SYK: variants seen among roughly 807,000 people sequenced by gnomAD.
SYK encodes the protein tyrosine-protein kinase SYK.
Under a neutral mutation model 77.8 loss-of-function variants are expected in SYK, and 16 were observed. The ratio of observed to expected loss-of-function variants is 0.21; its 90% CI spans 0.14 to 0.31. The LOEUF (loss-of-function observed/expected upper bound fraction) is 0.31, where lower values mean the gene tolerates loss of function less well. Ranked by LOEUF, SYK falls within the 10% of genes least tolerant of loss-of-function variation. SYK has a pLI of 1.00. For missense variants in SYK, 529 were observed against 814.4 expected (o/e 0.65, Z 4.26); for synonymous variants, 312 against 308.7 (o/e 1.01, Z -0.11).
At chr9:90,836,081 G>A (rs1326894562) in intron 1 of SYK, among the ~76,000 whole-genome samples, 2 of 152,142 alleles carry the variant, frequency 1.3e-5, no homozygotes, top group Non-Finnish European at 2.9e-5. Context: ...GAGGTCAGGA[G>A]ATCGAGATCA....
At chr9:90,890,247 C>T (rs943779259) in intron 13 of SYK, among the ~76,000 whole-genome samples, 2 of 152,194 alleles carry the variant, frequency 1.3e-5, no homozygotes, top group African/African-American at 4.8e-5. Context: ...GCTGAATACC[C>T]TTTGGGCTCG....
At chr9:90,890,331 A>C (rs1828740844) in intron 13 of SYK, among the ~76,000 whole-genome samples, 1 of 152,222 alleles carries the variant, frequency 6.6e-6, no homozygotes, top group Non-Finnish European at 1.5e-5. Flanking sequence ...GGACGCACGT[A>C]ACAGTGGGCA....
chr9:90,880,452 GC>G lies in SYK; in HGVS notation c.1581+1501del, dbSNP rs556946590. On this transcript the variant is annotated intron_variant, in intron 11 of 13. Transcript: ENST00000375754. The stretch of plus-strand genomic sequence containing the variant: ...CACTGTGAGAAAGGCATCAGCATGG[GC>G]CTGGATAGAAATAGCAGGGAAACAG... Among the ~76,000 whole-genome samples the G allele has an allele frequency of 9.8e-5, 15 of 152,304 alleles. No individual in the cohort carries two copies. The South Asian group carries it at 3.1e-3, about 32-fold the overall frequency.
chr9:90,803,027 C>T (rs1319698266), intron 1 of SYK, among the ~76,000 whole-genome samples: 1 of 152,020 alleles, frequency 6.6e-6, no homozygotes, highest in Admixed American at 6.6e-5. Context: ...CTCCTTCTCC[C>T]CAGTGAAAGT....
rs754121082 is a variant in SYK at position 90,894,743 on chromosome 9, G to A, written c.1836-785G>A. Among the ~76,000 whole-genome samples the A allele has an allele frequency of 5.9e-5, 9 of 152,328 alleles. No homozygotes were observed. In the South Asian group the frequency reaches 1.0e-3, roughly 18 times the overall value. ...GAAAAATAACTTCTAAGTGAGGATC[G>A]ATTATCAGGGTTTTAGTACTTACTT... is the stretch of plus-strand genomic sequence containing the variant. On this transcript the variant is annotated intron_variant, in intron 13 of 13. Transcript: ENST00000375754.
intron 7 of SYK, among the ~76,000 whole-genome samples, chr9:90,867,420 C>G (rs1294088992): frequency 6.6e-6 from 1 of 152,186 alleles, no homozygotes; most frequent in Non-Finnish European, 1.5e-5. Flanking sequence ...AGCTGGAAGT[C>G]CAACAGTGTG....
At chr9:90,874,178 A>C in intron 7 of SYK, 26 bp from the exon 8 acceptor site, 1 of 1,589,878 alleles carries the variant, frequency 6.3e-7, no homozygotes, top group Non-Finnish European at 8.6e-7. Flanking sequence ...GAAGAAAAAC[A>C]ACCTGTTGTC....
chr9:90,812,785 G>C (rs1587807329), intron 1 of SYK, among the ~76,000 whole-genome samples: 1 of 28,378 alleles, frequency 3.5e-5, no homozygotes, highest in African/African-American at 9.6e-5. Context: ...GTGTGAGAGA[G>C]AGAGATTGAG....
intron 1 of SYK, among the ~76,000 whole-genome samples, chr9:90,834,462 G>C (rs1252942858): frequency 6.6e-6 from 1 of 152,198 alleles, no homozygotes; most frequent in African/African-American, 2.4e-5. Context: ...AGCTGGGCCG[G>C]GTCGCCAGCG....
intron 7 of SYK, among the ~76,000 whole-genome samples, chr9:90,872,045 G>T: frequency 6.6e-6 from 1 of 152,280 alleles, no homozygotes; most frequent in South Asian, 2.1e-4. Flanking sequence ...TGTGTCCATC[G>T]CTACTAATTC....
chr9:90,852,875 T>G (rs1826871411), intron 3 of SYK, among the ~76,000 whole-genome samples: 1 of 152,238 alleles, frequency 6.6e-6, no homozygotes, highest in African/African-American at 2.4e-5. Context: ...GTCCCTGCCC[T>G]CACCGGACTT....
chr9:90,822,341 T>C (rs1423538544), intron 1 of SYK, among the ~76,000 whole-genome samples: 3 of 152,188 alleles, frequency 2.0e-5, no homozygotes, highest in Admixed American at 2.0e-4. Flanking sequence ...CTGGCACTGT[T>C]TTGGTACCAA....
At chr9:90,839,791 T>C (rs1864201) in intron 1 of SYK, among the ~76,000 whole-genome samples, 94,913 of 151,934 alleles carry the variant, frequency 0.62, 30,220 homozygotes, top group African/African-American at 0.72. Flanking sequence ...AGGTACACAG[T>C]GACAGGGGTA....
At chr9:90,868,520 A>G (rs1221794828) in intron 7 of SYK, among the ~76,000 whole-genome samples, 1 of 152,222 alleles carries the variant, frequency 6.6e-6, no homozygotes, top group Admixed American at 6.5e-5. Flanking sequence ...AATAATTAAC[A>G]AAAATATTAA....
At chr9:90,891,668 ATTTC>A (rs1216889742) in intron 13 of SYK, among the ~76,000 whole-genome samples, 1 of 152,186 alleles carries the variant, frequency 6.6e-6, no homozygotes, top group Non-Finnish European at 1.5e-5. Flanking sequence ...TGCCTAAATA[ATTTC>A]TTTCTAGCTC....
At chr9:90,830,914 A>T (rs921216842) in intron 1 of SYK, among the ~76,000 whole-genome samples, 1 of 152,094 alleles carries the variant, frequency 6.6e-6, no homozygotes, top group Non-Finnish European at 1.5e-5. Context: ...TAACCCACAG[A>T]TGAAGTTTCC....
chr9:90,879,401 AGG>A (rs1381803738), intron 11 of SYK, among the ~76,000 whole-genome samples: 1 of 152,236 alleles, frequency 6.6e-6, no homozygotes, highest in South Asian at 2.1e-4. Context: ...CTTTTCTGAT[AGG>A]ACATTTCATA....
At chr9:90,856,829 G>A (rs1318788217) in intron 3 of SYK, among the ~76,000 whole-genome samples, 1 of 152,042 alleles carries the variant, frequency 6.6e-6, no homozygotes, top group East Asian at 1.9e-4. Context: ...ATCTTTCTGA[G>A]CTTATGCCTG....
At position 90,862,274 on chromosome 9, in the gene SYK, A is replaced by T; in HGVS notation, c.647A>T (p.Tyr216Phe). ...CTGCACGAAGGGAAGGTGCTGCACT[A>T]TCGCATCGACAAAGACAAGACAGGG... ...CLLHEGKVLH[Y>F]RIDKDKTGKL... Residue 216 changes from tyrosine (Y) to phenylalanine (F), a missense_variant, in exon 4 of 14, where the codon TAT (tyrosine) becomes TTT (phenylalanine). Tyr to Phe is a conservative substitution (Grantham distance 22, BLOSUM62 3). Transcript: ENST00000375754. 6.2e-7 allele frequency: 1 copy of T among 1,614,182 alleles called. No individual in the cohort carries two copies. The highest frequency in any genetic ancestry group is 8.5e-7 in the Non-Finnish European group (1 of 1,180,022).
Sources: allele counts gnomAD v4.1 joint callset (sites outside exome capture counted in the v4.1 genomes callset), GRCh38; gene constraint gnomAD v4.1.1; transcripts MANE v1.5; gene names NCBI Gene and HGNC (gene_info 2026-07-23, HGNC 2026-07-21).